Variants in RANBP2 observed in about 807,000 individuals in gnomAD.
RANBP2 encodes RAN binding protein 2, also known as E3 SUMO-protein ligase RanBP2.
RANBP2 carries 57 observed loss-of-function variants against 303.6 expected under a neutral mutation model. That is an observed-to-expected ratio of 0.19 (90% confidence interval 0.15 to 0.23). The LOEUF (loss-of-function observed/expected upper bound fraction) is 0.23. RANBP2 is among the 10% of genes least tolerant of loss of function. The pLI is 1.00. For synonymous variants in RANBP2, 1,167 were observed against 1,301.5 expected (o/e 0.90, Z 2.23); for missense variants, 3,138 against 3,780.8 (o/e 0.83, Z 4.46).
chr2:109,667,531 C>T, the RANBP2 span, among the ~76,000 whole-genome samples: 4 of 152,230 alleles, frequency 2.6e-5, no homozygotes, highest in East Asian at 7.7e-4. Context: ...GCCCTTCCTC[C>T]TGGTTAGTGG....
the RANBP2 span, among the ~76,000 whole-genome samples, chr2:108,862,110 G>T: frequency 7.1e-6 from 1 of 141,218 alleles, no homozygotes. Flanking sequence ...AGACTTTCCT[G>T]AGCATGTGGT....
chr2:109,212,185 A>C, the RANBP2 span, among the ~76,000 whole-genome samples: 1 of 152,140 alleles, frequency 6.6e-6, no homozygotes, highest in African/African-American at 2.4e-5. Flanking sequence ...TTGTCAGGGT[A>C]CCAGCCACTG....
the RANBP2 span, among the ~76,000 whole-genome samples, chr2:109,048,208 T>C: frequency 6.6e-6 from 1 of 152,266 alleles, no homozygotes; most frequent in South Asian, 2.1e-4. Context: ...GTAAATGTAA[T>C]TGCTGCAGCT....
the RANBP2 span, among the ~76,000 whole-genome samples, chr2:109,364,175 AT>A: frequency 1.5e-4 from 20 of 135,756 alleles, no homozygotes; most frequent in African/African-American, 4.7e-4. Context: ...TTTTTTTCTA[AT>A]TTTTTTTTTC....
At chr2:109,493,418 A>T in the RANBP2 span, among the ~76,000 whole-genome samples, 2 of 151,452 alleles carry the variant, frequency 1.3e-5, no homozygotes, top group Non-Finnish European at 2.9e-5. Flanking sequence ...CACATACATC[A>T]TGCAAACACA....
At chr2:109,593,001 A>G in the RANBP2 span, 1 of 1,281,428 alleles carries the variant, frequency 7.8e-7, no homozygotes, top group Non-Finnish European at 1.1e-6. Flanking sequence ...TTTTAAAATC[A>G]TAGAAGCATT....
the RANBP2 span, among the ~76,000 whole-genome samples, chr2:109,175,283 C>T: frequency 1.3e-3 from 195 of 152,258 alleles, 1 homozygote; most frequent in Admixed American, 4.3e-3. Context: ...CCTATTGGCA[C>T]GCTAATCTTT....
At chr2:109,036,782 C>T in the RANBP2 span, among the ~76,000 whole-genome samples, 1 of 151,956 alleles carries the variant, frequency 6.6e-6, no homozygotes, top group Non-Finnish European at 1.5e-5. Flanking sequence ...CTGAGATGGG[C>T]GGATTGCTTG....
chr2:109,325,009 T>G, the RANBP2 span, among the ~76,000 whole-genome samples: 1 of 151,838 alleles, frequency 6.6e-6, no homozygotes, highest in Non-Finnish European at 1.5e-5. Flanking sequence ...GGAGAGGCCT[T>G]TGGCTTGCGT....
the RANBP2 span, among the ~76,000 whole-genome samples, chr2:109,589,102 G>T: frequency 9.9e-3 from 1,503 of 151,948 alleles, 33 homozygotes; most frequent in African/African-American, 0.035. Flanking sequence ...AATTTTTGTG[G>T]TTTTTTTGTT....
chr2:109,416,530 G>A, the RANBP2 span, among the ~76,000 whole-genome samples: 10 of 152,238 alleles, frequency 6.6e-5, no homozygotes, highest in African/African-American at 1.4e-4. Flanking sequence ...GATTACAGGC[G>A]TGCGCCATCA....
chr2:108,731,559 C>A, intron 4 of RANBP2, 85 bp downstream of exon 4: 1 of 1,603,700 alleles, frequency 6.2e-7, no homozygotes, highest in Non-Finnish European at 8.5e-7. Context: ...CAATAGCAAA[C>A]CTTAAGCCCA....
At chr2:109,196,728 G>A in the RANBP2 span, among the ~76,000 whole-genome samples, 1 of 152,282 alleles carries the variant, frequency 6.6e-6, no homozygotes, top group South Asian at 2.1e-4. Flanking sequence ...CCCGGAGGAG[G>A]GAGCTGCACC....
chr2:109,249,806 G>A, the RANBP2 span, among the ~76,000 whole-genome samples: 2 of 151,386 alleles, frequency 1.3e-5, no homozygotes, highest in East Asian at 1.9e-4. Context: ...ACAGGCGCCC[G>A]CCACCGCGCC....
the RANBP2 span, among the ~76,000 whole-genome samples, chr2:109,163,328 A>G: frequency 1.3e-5 from 2 of 151,408 alleles, no homozygotes; most frequent in East Asian, 3.9e-4. Context: ...TTGCAAGTGC[A>G]AGTTTAAGGG....
intron 1 of RANBP2, among the ~76,000 whole-genome samples, chr2:108,721,430 A>AC: frequency 1.3e-5 from 2 of 152,226 alleles, no homozygotes; most frequent in Non-Finnish European, 2.9e-5. Flanking sequence ...GAAATTAAAG[A>AC]CTTTAATTTT....
At chr2:109,101,097 A>C in the RANBP2 span, among the ~76,000 whole-genome samples, 1 of 152,168 alleles carries the variant, frequency 6.6e-6, no homozygotes, top group Non-Finnish European at 1.5e-5. Context: ...GTAGAAAGGG[A>C]AACAGACACA....
the RANBP2 span, among the ~76,000 whole-genome samples, chr2:109,116,318 C>T: frequency 1.3e-5 from 2 of 152,180 alleles, no homozygotes; most frequent in Non-Finnish European, 2.9e-5. Flanking sequence ...TTCTTGGAGG[C>T]TTTGTTCGTT....
chr2:109,419,652 C>T, the RANBP2 span: 5 of 1,564,716 alleles, frequency 3.2e-6, no homozygotes, highest in Admixed American at 1.9e-5. Flanking sequence ...TGTGAGCTGC[C>T]CTTTGTGTCT....
Sources: gnomAD v4.1 joint callset for allele counts (sites outside exome capture counted in the v4.1 genomes callset) on GRCh38, gnomAD v4.1.1 for gene constraint, MANE v1.5 for transcripts, NCBI Gene and HGNC (gene_info 2026-07-23, HGNC 2026-07-21) for gene names.